NEDD4L: variants seen among roughly 807,000 people sequenced by gnomAD.
The protein encoded by NEDD4L is NEDD4 like E3 ubiquitin protein ligase, also known as E3 ubiquitin-protein ligase NEDD4-like.
A neutral mutation model predicts 148.9 loss-of-function variants in NEDD4L; 54 were observed. That is an observed-to-expected ratio of 0.36 (90% CI 0.29 to 0.45). The LOEUF is 0.45. NEDD4L is among the 20% of genes least tolerant of loss of function. The pLI, the probability that NEDD4L is intolerant of heterozygous loss-of-function variation, is 1.00. For missense variants in NEDD4L, 856 were observed against 1,233.8 expected, an observed-to-expected ratio of 0.69 and a Z score of 4.59; for synonymous variants, 433 against 440.7, an observed-to-expected ratio of 0.98 and a Z score of 0.22.
chr18:58,332,434 G>C (rs61346509), intron 11 of NEDD4L, among the ~76,000 whole-genome samples: 1,839 of 152,244 alleles, frequency 0.012, 39 homozygotes, highest in African/African-American at 0.042. Flanking sequence ...GATCACCTGA[G>C]GTCAGGAGTT....
At chr18:58,347,271 C>T (rs530742472) in intron 16 of NEDD4L, among the ~76,000 whole-genome samples, 48 of 129,676 alleles carry the variant, frequency 3.7e-4, no homozygotes, top group Non-Finnish European at 4.4e-4. Flanking sequence ...TTGTCTTTCA[C>T]GGTAGCCTAC....
intron 2 of NEDD4L, among the ~76,000 whole-genome samples, chr18:58,244,135 G>T (rs753893245): frequency 3.3e-5 from 5 of 152,140 alleles, no homozygotes; most frequent in Non-Finnish European, 7.3e-5. Context: ...TAAGATACTT[G>T]ATGTAATCTT....
chr18:58,246,035 G>A (rs1216822488), intron 3 of NEDD4L, among the ~76,000 whole-genome samples: 1 of 151,800 alleles, frequency 6.6e-6, no homozygotes, highest in Non-Finnish European at 1.5e-5. Flanking sequence ...CATTTTAAGT[G>A]TCTTTCAGTA....
chr18:58,225,741 CCAT>C (rs2044279237), intron 2 of NEDD4L, among the ~76,000 whole-genome samples: 1 of 152,156 alleles, frequency 6.6e-6, no homozygotes, highest in Non-Finnish European at 1.5e-5. Flanking sequence ...GCCTGCACAG[CCAT>C]CTGTGACCAC....
At chr18:58,284,691 CT>C (rs1304392335) in intron 5 of NEDD4L, among the ~76,000 whole-genome samples, 1 of 152,140 alleles carries the variant, frequency 6.6e-6, no homozygotes, top group Admixed American at 6.6e-5. Flanking sequence ...AATCTTACTT[CT>C]TTGAAAAACT....
At chr18:58,058,505 C>G (rs935067063) in intron 1 of NEDD4L, among the ~76,000 whole-genome samples, 6 of 152,304 alleles carry the variant, frequency 3.9e-5, no homozygotes, top group Admixed American at 1.3e-4. Context: ...TTTCTTGTAG[C>G]GCATCTTCTC....
chr18:58,115,000 T>C (rs2085692216), intron 1 of NEDD4L, among the ~76,000 whole-genome samples: 1 of 152,222 alleles, frequency 6.6e-6, no homozygotes. Flanking sequence ...TTAGCAACTT[T>C]AATTCCATCT....
At chr18:58,067,955 T>G (rs2082683877) in intron 1 of NEDD4L, among the ~76,000 whole-genome samples, 1 of 151,894 alleles carries the variant, frequency 6.6e-6, no homozygotes, top group Admixed American at 6.6e-5. Flanking sequence ...GGAGAAGGGG[T>G]ACAGATTTTT....
At chr18:58,370,261 A>C in intron 22 of NEDD4L, 136 bp from the exon 23 acceptor site, 2 of 654,424 alleles carry the variant, frequency 3.1e-6, no homozygotes, top group Non-Finnish European at 5.6e-6. Flanking sequence ...TCGCTTGTGC[A>C]ATACTGTAGA....
At chr18:58,122,881 T>A (rs1442180629) in intron 1 of NEDD4L, among the ~76,000 whole-genome samples, 1 of 151,998 alleles carries the variant, frequency 6.6e-6, no homozygotes, top group African/African-American at 2.4e-5. Context: ...TACAGGTGTG[T>A]GCCACCACGC....
At chr18:58,127,594 C>A (rs2031351527) in intron 1 of NEDD4L, among the ~76,000 whole-genome samples, 1 of 151,696 alleles carries the variant, frequency 6.6e-6, no homozygotes, top group Non-Finnish European at 1.5e-5. Context: ...GATCCCAGCA[C>A]TTTGGGAGGC....
intron 1 of NEDD4L, among the ~76,000 whole-genome samples, chr18:58,127,567 C>T (rs555956451): frequency 2.8e-4 from 42 of 151,758 alleles, no homozygotes; most frequent in African/African-American, 6.5e-4. Context: ...CGGCCGGGTG[C>T]GGTGGCTCAC....
chr18:58,396,132 T>G, intron 30 of NEDD4L, 35 bp from the exon 31 acceptor site: 1 of 1,429,582 alleles, frequency 7.0e-7, no homozygotes, highest in South Asian at 1.2e-5. Flanking sequence ...AGTGCTGTTG[T>G]GGCTTTTCAC....
chr18:58,074,390 C>G (rs1425087598), intron 1 of NEDD4L, among the ~76,000 whole-genome samples: 2 of 150,470 alleles, frequency 1.3e-5, no homozygotes, highest in Non-Finnish European at 3.0e-5. Flanking sequence ...TCCTGAGTAG[C>G]TGGGATTACA....
intron 5 of NEDD4L, among the ~76,000 whole-genome samples, chr18:58,288,463 G>A (rs756662302): frequency 2.2e-4 from 34 of 152,216 alleles, no homozygotes; most frequent in Non-Finnish European, 3.4e-4. Context: ...AAGGTAGGCT[G>A]TAATATGATT....
At chr18:58,107,829 C>T (rs1351752612) in intron 1 of NEDD4L, among the ~76,000 whole-genome samples, 6 of 152,168 alleles carry the variant, frequency 3.9e-5, no homozygotes, top group Admixed American at 6.5e-5. Flanking sequence ...CCTCCCATTC[C>T]GGCCTCCCAA....
intron 2 of NEDD4L, among the ~76,000 whole-genome samples, chr18:58,232,053 A>G (rs992085527): frequency 6.6e-6 from 1 of 152,138 alleles, no homozygotes; most frequent in Non-Finnish European, 1.5e-5. Context: ...CCTTTACCCC[A>G]TGATTATTTA....
At chr18:58,289,185 C>G (rs1322224444) in intron 5 of NEDD4L, among the ~76,000 whole-genome samples, 1 of 152,196 alleles carries the variant, frequency 6.6e-6, no homozygotes, top group African/African-American at 2.4e-5. Flanking sequence ...GCTAAGTTTA[C>G]TGTATACGCT....
At chr18:58,362,011 G>A (rs2045553657) in intron 19 of NEDD4L, among the ~76,000 whole-genome samples, 1 of 152,160 alleles carries the variant, frequency 6.6e-6, no homozygotes, top group African/African-American at 2.4e-5. Flanking sequence ...TCTATCATGA[G>A]AACTACCTCT....
Sources: allele counts gnomAD v4.1 joint callset (sites outside exome capture counted in the v4.1 genomes callset), GRCh38; gene constraint gnomAD v4.1.1; transcripts MANE v1.5; gene names NCBI Gene and HGNC (gene_info 2026-07-23, HGNC 2026-07-21).